Variants in AXDND1 observed in about 807,000 individuals in gnomAD.
The protein encoded by AXDND1 is axonemal dynein light chain domain-containing protein 1.
In AXDND1, 110 loss-of-function variants were observed where a neutral mutation model predicts 137.5. The observed-to-expected ratio is 0.80, with a 90% CI of 0.69 to 0.94. The LOEUF is 0.94. AXDND1 is among the 40% of genes least tolerant of loss of function. AXDND1 has a pLI of 0.00. For missense variants in AXDND1, 1,191 were observed against 1,169.8 expected (o/e 1.02, Z -0.26); for synonymous variants, 414 against 399.7 (o/e 1.04, Z -0.43).
chr1:179,430,826 G>A (rs1657259579), intron 14 of AXDND1, among the ~76,000 whole-genome samples: 1 of 152,162 alleles, frequency 6.6e-6, no homozygotes, highest in Non-Finnish European at 1.5e-5. Context: ...CTGCTCAACT[G>A]CTGCTGTCCC....
intron 11 of AXDND1, among the ~76,000 whole-genome samples, chr1:179,398,390 C>T (rs1489193146): frequency 6.6e-6 from 1 of 152,200 alleles, no homozygotes; most frequent in African/African-American, 2.4e-5. Context: ...TCCTGGACCA[C>T]TGGTCACTAC....
intron 25 of AXDND1, among the ~76,000 whole-genome samples, chr1:179,540,420 T>C (rs1672017026): frequency 6.6e-6 from 1 of 152,234 alleles, no homozygotes; most frequent in Non-Finnish European, 1.5e-5. Context: ...TATTCCTTTC[T>C]GTTTGTTAGT....
Position 179,448,355 on chromosome 1 carries a change from A to G in AXDND1, c.1798+3151A>G, listed in dbSNP as rs1440650081. 5.8e-6 allele frequency: 4 copies of G among 694,134 alleles called. No homozygotes were observed. In the African/African-American group the frequency reaches 7.1e-5, roughly 12 times the overall value. The allele number at this position is 694,134 out of a possible 1,614,324, so 43.0% of individuals were successfully genotyped here. A position where few individuals can be genotyped will look rare whatever the true frequency, so the allele number is the denominator to read the frequency against. On this transcript the variant is annotated intron_variant, in intron 16 of 25. Transcript: ENST00000367618. The stretch of plus-strand genomic sequence containing the variant: ...CACACTAAGTTCATAGGCTTTCTTC[A>G]TTAATCCAAACTCTCTCTTTGTAAA...
chr1:179,395,048 T>G, intron 10 of AXDND1, 50 bp from the exon 11 acceptor site: 1 of 1,521,286 alleles, frequency 6.6e-7, no homozygotes, highest in South Asian at 1.2e-5. Flanking sequence ...TGGTAGAAAC[T>G]TTTTGGAAAT....
chr1:179,461,342 T>C (rs1323051234), intron 16 of AXDND1, among the ~76,000 whole-genome samples: 1 of 152,206 alleles, frequency 6.6e-6, no homozygotes, highest in East Asian at 1.9e-4. Context: ...GTCAGGTTTC[T>C]TAAAGATCAG....
intron 22 of AXDND1, 107 bp downstream of exon 22, chr1:179,525,554 TG>T (rs1670455764): frequency 7.5e-7 from 1 of 1,328,222 alleles, no homozygotes; most frequent in East Asian, 2.9e-5. Flanking sequence ...TGGAGTGCTG[TG>T]GTATCATCAT....
intron 20 of AXDND1, among the ~76,000 whole-genome samples, chr1:179,501,010 A>G (rs947643880): frequency 6.6e-6 from 1 of 152,244 alleles, no homozygotes; most frequent in Non-Finnish European, 1.5e-5. Context: ...CTCCAGTCAT[A>G]TTAGCCATAT....
chr1:179,374,518 A>G (rs1668376929), intron 4 of AXDND1, among the ~76,000 whole-genome samples: 1 of 152,186 alleles, frequency 6.6e-6, no homozygotes, highest in African/African-American at 2.4e-5. Context: ...ATAAAGACAC[A>G]TGCACACATA....
intron 4 of AXDND1, among the ~76,000 whole-genome samples, chr1:179,373,520 A>G (rs1337356210): frequency 6.6e-6 from 1 of 152,200 alleles, no homozygotes; most frequent in Non-Finnish European, 1.5e-5. Context: ...CAGAGCCAAG[A>G]CAAGCCTAAG....
intron 25 of AXDND1, among the ~76,000 whole-genome samples, chr1:179,550,223 T>G (rs1263505176): frequency 6.6e-6 from 1 of 152,196 alleles, no homozygotes; most frequent in African/African-American, 2.4e-5. Flanking sequence ...AGATATGCTT[T>G]CTTATTGGCT....
In AXDND1 at chr1:179,366,515, T is replaced by C. The variant is rs1667421817; in HGVS notation, c.6T>C (p.Ser2=). 3.1e-6 allele frequency: 5 copies of C among 1,611,282 alleles called. No homozygotes were observed. The South Asian group carries it at 5.5e-5, about 18-fold the overall frequency. M[S]LPKTPSTPLN... is the part of the protein sequence containing the mutation. ...GATAGGAGGCATTGTTTATTATGTCTCTCCCGAAAACGCCCTCCACCCCGC... is the reference window on the plus strand; with the variant it reads ...GATAGGAGGCATTGTTTATTATGTCCCTCCCGAAAACGCCCTCCACCCCGC... The change falls in exon 2 of 26, where the codon TCT becomes TCC. Residue 2 remains serine (S), a synonymous_variant. Coordinates refer to ENST00000367618, the MANE Select transcript of AXDND1 (RefSeq NM_144696.6).
intron 21 of AXDND1, among the ~76,000 whole-genome samples, chr1:179,510,686 G>A (rs887888600): frequency 3.9e-5 from 6 of 152,124 alleles, no homozygotes; most frequent in African/African-American, 1.2e-4. Context: ...TCAGAGACGT[G>A]AGAGCAGAAG....
intron 12 of AXDND1, 75 bp downstream of exon 12, chr1:179,411,341 T>G (rs1653844741): frequency 6.4e-7 from 1 of 1,566,326 alleles, no homozygotes; most frequent in Non-Finnish European, 8.6e-7. Context: ...AAATTTGTTT[T>G]TTTTGTTTTG....
intron 4 of AXDND1, among the ~76,000 whole-genome samples, chr1:179,378,276 A>G (rs1305876944): frequency 6.6e-6 from 1 of 152,190 alleles, no homozygotes; most frequent in African/African-American, 2.4e-5. Flanking sequence ...GGGGATGTAG[A>G]GTTGGAGATA....
chr1:179,519,956 G>C (rs1019589874), intron 21 of AXDND1, among the ~76,000 whole-genome samples: 2 of 152,136 alleles, frequency 1.3e-5, no homozygotes, highest in Non-Finnish European at 2.9e-5. Context: ...GAATAGCATT[G>C]AATCTATAAA....
chr1:179,398,048 G>A (rs531859633), intron 11 of AXDND1, among the ~76,000 whole-genome samples: 2 of 152,334 alleles, frequency 1.3e-5, no homozygotes, highest in Admixed American at 6.5e-5. Context: ...CGATCATTTG[G>A]AGGAAAGAAG....
chr1:179,508,889 T>C (rs144435091), intron 20 of AXDND1, among the ~76,000 whole-genome samples: 2 of 152,336 alleles, frequency 1.3e-5, no homozygotes, highest in Admixed American at 1.3e-4. Context: ...TGAGTTAATA[T>C]ATGCATAATG....
At chr1:179,527,495 G>A (rs931402998) in intron 22 of AXDND1, among the ~76,000 whole-genome samples, 8 of 152,156 alleles carry the variant, frequency 5.3e-5, no homozygotes, top group African/African-American at 9.6e-5. Context: ...TGGTTCATAC[G>A]TCTCTGACAG....
chr1:179,533,668 T>A, intron 23 of AXDND1, 127 bp from the exon 24 acceptor site: 2 of 504,546 alleles, frequency 4.0e-6, no homozygotes, highest in Non-Finnish European at 3.5e-6. Flanking sequence ...TGCTTAACCA[T>A]CTATTAGATA....
Sources: allele counts gnomAD v4.1 joint callset (sites outside exome capture counted in the v4.1 genomes callset), GRCh38; gene constraint gnomAD v4.1.1; transcripts MANE v1.5; gene names NCBI Gene and HGNC (gene_info 2026-07-23, HGNC 2026-07-21).